Variants in LEKR1 observed in about 807,000 individuals in gnomAD.
LEKR1 encodes the protein protein LEKR1.
Under a neutral mutation model 72.4 loss-of-function variants are expected in LEKR1, and 59 were observed. The observed-to-expected ratio is 0.82, with a 90% confidence interval of 0.66 to 1.01. The LOEUF (loss-of-function observed/expected upper bound fraction) is 1.01. LEKR1 is among the 50% of genes least tolerant of loss of function. LEKR1 has a pLI of 0.00. For missense variants in LEKR1, 728 were observed against 759.2 expected (o/e 0.96, Z 0.48); for synonymous variants, 257 against 263.2 (o/e 0.98, Z 0.23).
intron 5 of LEKR1, among the ~76,000 whole-genome samples, chr3:156,930,174 G>GA (rs1725076641): frequency 6.6e-6 from 1 of 151,582 alleles, no homozygotes; most frequent in Admixed American, 6.6e-5. Context: ...TGCATTTACA[G>GA]AAAAAAGAAT....
At chr3:156,900,455 C>A (rs1721913375) in intron 3 of LEKR1, among the ~76,000 whole-genome samples, 1 of 152,154 alleles carries the variant, frequency 6.6e-6, no homozygotes, top group Non-Finnish European at 1.5e-5. Flanking sequence ...GTGTAGTATG[C>A]TCTTAGCCAG....
intron 3 of LEKR1, among the ~76,000 whole-genome samples, chr3:156,899,671 TATATACACGCATATATA>T (rs1211266159): frequency 8.0e-6 from 1 of 124,398 alleles, no homozygotes; most frequent in Non-Finnish European, 1.7e-5. Flanking sequence ...TATATACACA[TATATACACGCATATATA>T]CACATATATA....
At chr3:157,001,065 CT>C (rs1731976961) in intron 9 of LEKR1, among the ~76,000 whole-genome samples, 1 of 152,164 alleles carries the variant, frequency 6.6e-6, no homozygotes, top group Non-Finnish European at 1.5e-5. Context: ...GAGGCCTCCC[CT>C]AGCCATGCTG....
intron 5 of LEKR1, among the ~76,000 whole-genome samples, chr3:156,933,786 A>T (rs1725457687): frequency 6.6e-6 from 1 of 152,226 alleles, no homozygotes; most frequent in African/African-American, 2.4e-5. Flanking sequence ...GGGAACAGTT[A>T]TATCAGTTAT....
At chr3:156,826,943 G>C (rs1269311980) in intron 1 of LEKR1, 1 of 155,488 alleles carries the variant, frequency 6.4e-6, no homozygotes, top group East Asian at 1.9e-4. Context: ...ACAAGGACGT[G>C]TCTGCATTTT....
At chr3:156,992,416 G>A (rs531117902) in intron 7 of LEKR1, among the ~76,000 whole-genome samples, 17 of 152,088 alleles carry the variant, frequency 1.1e-4, no homozygotes, top group Admixed American at 9.8e-4. Flanking sequence ...TTTTGGTTTT[G>A]TTTATTTGTT....
chr3:156,989,981 T>C (rs1352429570), intron 7 of LEKR1, among the ~76,000 whole-genome samples: 2 of 152,198 alleles, frequency 1.3e-5, no homozygotes, highest in African/African-American at 4.8e-5. Flanking sequence ...CATCCATATT[T>C]CAATTTTGTC....
chr3:156,980,039 CTTTTATTTCAGAAATTTCAAAA>C (rs1198116161), intron 7 of LEKR1: 10 of 151,950 alleles, frequency 6.6e-5, no homozygotes, highest in Admixed American at 6.6e-4. Context: ...GTAAAAATTA[CTTTTATTTCAGAAATTTCAAAA>C]ATTATAGCAT....
chr3:156,904,430 T>TA (rs1722334308), intron 3 of LEKR1, among the ~76,000 whole-genome samples: 1 of 151,050 alleles, frequency 6.6e-6, no homozygotes, highest in Non-Finnish European at 1.5e-5. Flanking sequence ...TTTTTTTTTT[T>TA]ACTTTTTAAA....
intron 12 of LEKR1, 58 bp from the exon 13 acceptor site, chr3:157,045,282 C>T: frequency 7.3e-7 from 1 of 1,372,180 alleles, no homozygotes; most frequent in Non-Finnish European, 1.0e-6. Context: ...CCGTAACTAT[C>T]TACTTATGTA....
At chr3:156,899,311 C>CACATGTATATATAT (rs1560063244) in intron 3 of LEKR1, among the ~76,000 whole-genome samples, 8 of 140,256 alleles carry the variant, frequency 5.7e-5, no homozygotes, top group African/African-American at 1.8e-4. Context: ...TATACATACA[C>CACATGTATATATAT]ACATGTATAT....
intron 2 of LEKR1, among the ~76,000 whole-genome samples, chr3:156,847,398 C>T (rs1714745605): frequency 6.6e-6 from 1 of 152,136 alleles, no homozygotes; most frequent in Non-Finnish European, 1.5e-5. Flanking sequence ...ACCAGAACAT[C>T]CTGTTAATGA....
chr3:156,879,707 C>A (rs1214504182), intron 3 of LEKR1, among the ~76,000 whole-genome samples: 1 of 152,124 alleles, frequency 6.6e-6, no homozygotes, highest in Non-Finnish European at 1.5e-5. Flanking sequence ...GTTTTGTGTG[C>A]CAGGCTCAGG....
intron 3 of LEKR1, among the ~76,000 whole-genome samples, chr3:156,905,295 T>C (rs1482721663): frequency 6.6e-6 from 1 of 152,174 alleles, no homozygotes; most frequent in East Asian, 1.9e-4. Context: ...TAAAAGTACA[T>C]TGATATTATA....
chr3:156,963,173 G>A (rs968979181), intron 6 of LEKR1, among the ~76,000 whole-genome samples: 1 of 152,148 alleles, frequency 6.6e-6, no homozygotes, highest in Non-Finnish European at 1.5e-5. Flanking sequence ...TTAGGCACCT[G>A]TCATAAGATT....
intron 7 of LEKR1, among the ~76,000 whole-genome samples, chr3:156,982,856 TAG>T (rs749454034): frequency 4.9e-5 from 2 of 40,718 alleles, no homozygotes; most frequent in Non-Finnish European, 1.0e-4. Context: ...TGTGTGTGTG[TAG>T]ATAGATAGAT....
intron 6 of LEKR1, among the ~76,000 whole-genome samples, chr3:156,973,310 G>T (rs1240876702): frequency 2.6e-5 from 4 of 152,062 alleles, no homozygotes; most frequent in African/African-American, 9.6e-5. Context: ...AGCACTTAGG[G>T]TATAGTACCT....
At chr3:156,837,189 G>A (rs1297169007) in intron 2 of LEKR1, among the ~76,000 whole-genome samples, 2 of 152,184 alleles carry the variant, frequency 1.3e-5, no homozygotes, top group Non-Finnish European at 2.9e-5. Flanking sequence ...TCTTAGAGAG[G>A]GGATAGAGGA....
chr3:156,899,993 G>C (rs1320011), intron 3 of LEKR1, among the ~76,000 whole-genome samples: 128,316 of 152,004 alleles, frequency 0.84, 54,328 homozygotes, highest in African/African-American at 0.91. Flanking sequence ...TTCAAATGGG[G>C]TTTAAAAGGA....
Sources: allele counts gnomAD v4.1 joint callset (sites outside exome capture counted in the v4.1 genomes callset), GRCh38; gene constraint gnomAD v4.1.1; transcripts MANE v1.5; gene names NCBI Gene and HGNC (gene_info 2026-07-23, HGNC 2026-07-21).